SNX8: variants seen among roughly 807,000 people sequenced by gnomAD.
SNX8 encodes the protein sorting nexin 8, also known as sorting nexin-8.
In SNX8, 25 loss-of-function variants were observed where a neutral mutation model predicts 51.6. The ratio of observed to expected loss-of-function variants is 0.48; its 90% CI spans 0.35 to 0.68. The LOEUF is 0.68. SNX8 is among the 30% of genes least tolerant of loss of function. SNX8 has a pLI of 0.00. For synonymous variants in SNX8, 324 were observed against 277.0 expected (o/e 1.17, Z -1.68); for missense variants, 695 against 624.0 (o/e 1.11, Z -1.21).
intron 1 of SNX8, among the ~76,000 whole-genome samples, chr7:2,349,517 T>G (rs1779100222): frequency 6.7e-6 from 1 of 150,124 alleles, no homozygotes; most frequent in African/African-American, 2.5e-5. Flanking sequence ...CTCGGCTCAC[T>G]GCAATCTCTA....
intron 1 of SNX8, among the ~76,000 whole-genome samples, chr7:2,311,862 G>A (rs568214535): frequency 1.3e-5 from 2 of 151,214 alleles, no homozygotes; most frequent in African/African-American, 2.4e-5. Context: ...GCATGAACCC[G>A]GGAGGCAGAG....
chr7:2,267,681 G>T (rs549043648), intron 5 of SNX8, among the ~76,000 whole-genome samples: 1 of 149,214 alleles, frequency 6.7e-6, no homozygotes, highest in Non-Finnish European at 1.5e-5. Flanking sequence ...CCTCCCAGCC[G>T]CCTGCCTTGG....
intron 1 of SNX8, among the ~76,000 whole-genome samples, chr7:2,307,490 G>A (rs1362232418): frequency 6.6e-6 from 1 of 151,944 alleles, no homozygotes; most frequent in Non-Finnish European, 1.5e-5. Flanking sequence ...AAATTAGCCA[G>A]GTGCGGTGGT....
intron 7 of SNX8, among the ~76,000 whole-genome samples, chr7:2,259,367 G>A (rs918978271): frequency 1.3e-5 from 2 of 152,202 alleles, no homozygotes; most frequent in South Asian, 2.1e-4. Flanking sequence ...TGAGCACCTC[G>A]GGGAGACCAA....
intron 1 of SNX8, among the ~76,000 whole-genome samples, chr7:2,298,783 C>A (rs1796329212): frequency 6.6e-6 from 1 of 151,890 alleles, no homozygotes; most frequent in Admixed American, 6.6e-5. Context: ...CCTCCACCTC[C>A]CAGGTTCAAG....
At chr7:2,263,385 G>C in intron 6 of SNX8, 23 bp from the exon 7 acceptor site, 1 of 1,569,258 alleles carries the variant, frequency 6.4e-7, no homozygotes, top group Non-Finnish European at 8.6e-7. Context: ...GCACACAGGA[G>C]AGGAGACACT....
intron 1 of SNX8, among the ~76,000 whole-genome samples, chr7:2,282,859 C>T (rs140682095): frequency 6.6e-6 from 1 of 152,104 alleles, no homozygotes; most frequent in African/African-American, 2.4e-5. Flanking sequence ...TGGTGGCTCA[C>T]GCCTGTAATC....
At chr7:2,263,922 G>T (rs1048604281) in intron 6 of SNX8, among the ~76,000 whole-genome samples, 1 of 151,926 alleles carries the variant, frequency 6.6e-6, no homozygotes, top group Non-Finnish European at 1.5e-5. Flanking sequence ...CACCATCTTG[G>T]CCAGGCTGAT....
chr7:2,256,056 TTGG>T (rs374375417), intron 10 of SNX8, among the ~76,000 whole-genome samples: 125 of 152,310 alleles, frequency 8.2e-4, no homozygotes, highest in African/African-American at 2.9e-3. Flanking sequence ...CGGGCGCCTG[TTGG>T]TCCCATTCCT....
intron 1 of SNX8, among the ~76,000 whole-genome samples, chr7:2,322,836 G>A (rs983768279): frequency 1.3e-5 from 2 of 149,740 alleles, no homozygotes; most frequent in African/African-American, 4.9e-5. Context: ...GGGCAACATG[G>A]TGAAACCCTG....
At chr7:2,260,352 C>T (rs951301021) in intron 7 of SNX8, among the ~76,000 whole-genome samples, 1 of 152,200 alleles carries the variant, frequency 6.6e-6, no homozygotes, top group Admixed American at 6.5e-5. Context: ...CCCATCTCAG[C>T]CTCCCAAAGT....
chr7:2,325,640 C>T lies in SNX8; in HGVS notation c.-66+28582G>A, dbSNP rs965573808. Among the ~76,000 whole-genome samples, 14 of 151,962 alleles carry T rather than the reference C, an allele frequency of 9.2e-5. No individual in the cohort carries two copies. In the East Asian group the frequency reaches 2.3e-3, roughly 25 times the overall value. ...CTCAGGAATTTGAGACCAGCTTGGG[C>T]AACATGGCAAAACCCCGTCTCTACA... is the stretch of plus-strand genomic sequence containing the variant. On this transcript the variant is annotated intron_variant, in intron 1 of 5. Coordinates refer to the SNX8 transcript ENST00000435336.
intron 1 of SNX8, among the ~76,000 whole-genome samples, chr7:2,328,027 A>T (rs1323223825): frequency 6.6e-6 from 1 of 151,608 alleles, no homozygotes; most frequent in East Asian, 1.9e-4. Flanking sequence ...CACCATGTCC[A>T]ACCTATTTTT....
At chr7:2,304,329 G>C (rs963662728) in intron 1 of SNX8, among the ~76,000 whole-genome samples, 1 of 151,500 alleles carries the variant, frequency 6.6e-6, no homozygotes, top group East Asian at 2.0e-4. Flanking sequence ...CAGATCACGA[G>C]GTCAGGAGAT....
chr7:2,283,322 G>A (rs575779413), intron 1 of SNX8, among the ~76,000 whole-genome samples: 244 of 152,266 alleles, frequency 1.6e-3, no homozygotes, highest in South Asian at 4.3e-3. Context: ...GGCCAAGCCC[G>A]CCCCGGACTG....
At chr7:2,282,172 C>A (rs1004588225) in intron 1 of SNX8, among the ~76,000 whole-genome samples, 3 of 152,038 alleles carry the variant, frequency 2.0e-5, no homozygotes. Flanking sequence ...AGATTTACCA[C>A]GCTCCAATCC....
In SNX8 at chr7:2,290,274, G is replaced by A. The variant is rs550340156; in HGVS notation, c.95-11969C>T. Among the ~76,000 whole-genome samples the A allele has an allele frequency of 2.6e-5, 4 of 152,282 alleles. No individual in the cohort carries two copies. In the East Asian group the frequency reaches 7.7e-4, roughly 29 times the overall value. Reference sequence around the variant, plus strand: ...CCAGCACTTTTGGAGGCCAAGATGGGCGGATCACTGGAGGCCTGGAGTTCG... The same window carrying A: ...CCAGCACTTTTGGAGGCCAAGATGGACGGATCACTGGAGGCCTGGAGTTCG... On this transcript the variant is annotated intron_variant, in intron 1 of 10. Coordinates refer to ENST00000222990, the MANE Select transcript of SNX8 (RefSeq NM_013321.4).
At chr7:2,255,981 G>A (rs1210651545) in intron 10 of SNX8, among the ~76,000 whole-genome samples, 1 of 152,206 alleles carries the variant, frequency 6.6e-6, no homozygotes, top group African/African-American at 2.4e-5. Context: ...CAGCATCACA[G>A]GGCTGGAAAT....
intron 1 of SNX8, among the ~76,000 whole-genome samples, chr7:2,285,135 C>T (rs1795995741): frequency 6.6e-6 from 1 of 151,046 alleles, no homozygotes; most frequent in Admixed American, 6.7e-5. Flanking sequence ...TGGCGTGAAC[C>T]CGGGAGGCAG....
Sources: gnomAD v4.1 joint callset for allele counts (sites outside exome capture counted in the v4.1 genomes callset) on GRCh38, gnomAD v4.1.1 for gene constraint, MANE v1.5 for transcripts, NCBI Gene and HGNC (gene_info 2026-07-23, HGNC 2026-07-21) for gene names.